CIT: variants seen among roughly 807,000 people sequenced by gnomAD.
The protein encoded by CIT is citron Rho-interacting kinase.
Under a neutral mutation model 272.7 loss-of-function variants are expected in CIT, and 79 were observed. The ratio of observed to expected loss-of-function variants is 0.29; its 90% confidence interval spans 0.24 to 0.35. The LOEUF (loss-of-function observed/expected upper bound fraction) is 0.35. CIT is among the 10% of genes least tolerant of loss of function. The probability of loss-of-function intolerance (pLI) is 1.00; values close to 1 mark genes in which losing one functional copy is unlikely to be tolerated. For missense variants in CIT, 1,909 were observed against 2,618.3 expected (o/e 0.73, Z 5.91); for synonymous variants, 948 against 995.6 (o/e 0.95, Z 0.90).
At chr12:119,703,563 T>C (rs929335108) in intron 41 of CIT, among the ~76,000 whole-genome samples, 2 of 151,716 alleles carry the variant, frequency 1.3e-5, no homozygotes, top group Non-Finnish European at 2.9e-5. Context: ...GTAGCTGAGA[T>C]AACAAGCACC....
intron 7 of CIT, among the ~76,000 whole-genome samples, chr12:119,826,219 C>A (rs1214345746): frequency 6.6e-6 from 1 of 152,140 alleles, no homozygotes; most frequent in Non-Finnish European, 1.5e-5. Context: ...CCACCCAGGG[C>A]CCAAGGTTAA....
intron 10 of CIT, among the ~76,000 whole-genome samples, chr12:119,787,507 G>A (rs1191439470): frequency 4.6e-5 from 7 of 151,352 alleles, no homozygotes; most frequent in Non-Finnish European, 7.4e-5. Context: ...CGAGGCAAGC[G>A]GATCACGAGG....
chr12:119,713,476 C>T lies in CIT; in HGVS notation c.4479G>A (p.Lys1493=). ...CCACCCTGACATGGTACCTGGGCACCTTCATCCACCCTTCCAGGTGCAAGC... is the reference window on the plus strand; with the variant it reads ...CCACCCTGACATGGTACCTGGGCACTTTCATCCACCCTTCCAGGTGCAAGC... ...SSSLHLEGWM[K]VPRNNKRGQQ... is the part of the protein sequence containing the mutation. Residue 1493 remains lysine, a synonymous_variant, in exon 34 of 48, where the codon AAG becomes AAA. Transcript: ENST00000392521. The surrounding 1 kb of genome is among the most constrained non-coding windows in gnomAD (Gnocchi z 5.2). 6.2e-7 allele frequency: 1 copy of T among 1,614,098 alleles called. No homozygotes were observed. Among genetic ancestry groups the T allele is most frequent in the Non-Finnish European group, 8.5e-7 (1 of 1,179,966 alleles).
chr12:119,690,074 G>A lies in CIT; in HGVS notation c.6186+77C>T. ...GGAGTTCCTTTTTTAAACAACAGTG[G>A]CCCCGTGGGGGCCTCAGTTCCCCAA... is the stretch of plus-strand genomic sequence containing the variant. On this transcript the variant is annotated intron_variant, in intron 47 of 47. Transcript: ENST00000392521. This position sits in a 1 kb window ranked among gnomAD's most constrained non-coding sequence, Gnocchi z 6.0. The A allele has an allele frequency of 7.5e-7, 1 of 1,324,732 alleles. No homozygotes were observed. Among genetic ancestry groups the A allele is most frequent in the Non-Finnish European group, 9.8e-7 (1 of 1,021,712 alleles). 82.1% of individuals were successfully genotyped at this position (1,324,732 alleles called of 1,614,324 possible). A position where few individuals can be genotyped will look rare whatever the true frequency, so the allele number is the denominator to read the frequency against.
intron 32 of CIT, among the ~76,000 whole-genome samples, chr12:119,717,414 C>CTTTTTTTTTTTTTTTTTTT (rs765763044): frequency 1.0e-4 from 11 of 109,460 alleles, no homozygotes; most frequent in African/African-American, 3.1e-4. Context: ...TTTTTCTTTT[C>CTTTTTTTTTTTTTTTTTTT]TTTTCTTTTT....
chr12:119,736,968 G>A (rs1352480202), intron 24 of CIT, among the ~76,000 whole-genome samples: 1 of 152,118 alleles, frequency 6.6e-6, no homozygotes, highest in South Asian at 2.1e-4. Context: ...TCTGACCTTT[G>A]CTGGGTTGGT....
intron 18 of CIT, 91 bp from the exon 19 acceptor site, chr12:119,767,273 A>C: frequency 3.2e-6 from 3 of 936,186 alleles, no homozygotes; most frequent in Non-Finnish European, 4.9e-6. Context: ...ACTTTGGTAC[A>C]GGTACCACAG....
intron 10 of CIT, among the ~76,000 whole-genome samples, chr12:119,790,472 GTCTA>G (rs1373332645): frequency 6.6e-6 from 1 of 152,130 alleles, no homozygotes; most frequent in Non-Finnish European, 1.5e-5. Flanking sequence ...ATGGGACAGA[GTCTA>G]TCTGTTCATT....
chr12:119,838,518 T>C (rs750811789), intron 5 of CIT, among the ~76,000 whole-genome samples: 5 of 152,118 alleles, frequency 3.3e-5, no homozygotes, highest in African/African-American at 1.2e-4. Context: ...CAGGAATCTA[T>C]AGTAAAAGGA....
rs1956459534 is a variant in CIT, at chr12:119,699,950, A to G, written c.5623+795T>C. On this transcript the variant is annotated intron_variant, in intron 44 of 47. Coordinates refer to ENST00000392521, the MANE Select transcript of CIT (RefSeq NM_001206999.2). ...ATGTGTGTTTAGTCTTTGATCCAAC[A>G]GTTCCACTTTTAGGAGCTTATAATC... 2 of 455,236 alleles carry G rather than the reference A, an allele frequency of 4.4e-6. 1 individual carries two copies. Among genetic ancestry groups the G allele is most frequent in the Admixed American group, 4.7e-5 (2 of 42,546 alleles). The allele number at this position is 455,236 out of a possible 1,614,324, so 28.2% of individuals were successfully genotyped here. A position where few individuals can be genotyped will look rare whatever the true frequency, so the allele number is the denominator to read the frequency against.
intron 9 of CIT, among the ~76,000 whole-genome samples, chr12:119,820,908 T>C (rs1336320975): frequency 6.6e-6 from 1 of 152,180 alleles, no homozygotes; most frequent in Non-Finnish European, 1.5e-5. Flanking sequence ...AGGTCGAGGC[T>C]GCAGTGAGCC....
intron 20 of CIT, among the ~76,000 whole-genome samples, chr12:119,760,195 AAAAAAAAAAG>A (rs1566001362): frequency 6.6e-6 from 1 of 151,812 alleles, no homozygotes; most frequent in Non-Finnish European, 1.5e-5. Context: ...TCAAAAAAAA[AAAAAAAAAAG>A]AGAGAGATTC....
rs760385025 is a variant in CIT at position 119,718,712 on chromosome 12, G to A, written c.3990C>T (p.Ser1330=). ...GTGAGCCCCTACCTTCCTCCCGGGC[G>A]GACCGGAGCTCGATGCGGGTCTTCT... ...ALQKTRIELR[S]AREEAAHRKA... is the part of the protein sequence containing the mutation. Residue 1330 remains serine, a synonymous_variant, in exon 31 of 48, where the codon TCC becomes TCT. Coordinates refer to ENST00000392521, the MANE Select transcript of CIT (RefSeq NM_001206999.2). This position sits in a 1 kb window ranked among gnomAD's most constrained non-coding sequence, Gnocchi z 4.8. 18 of 1,613,282 alleles carry A rather than the reference G, an allele frequency of 1.1e-5. No individual in the cohort carries two copies. The highest frequency in any genetic ancestry group is 9.3e-5 in the African/African-American group (7 of 74,884).
intron 9 of CIT, among the ~76,000 whole-genome samples, chr12:119,813,998 C>T (rs1207706369): frequency 6.6e-6 from 1 of 152,028 alleles, no homozygotes; most frequent in African/African-American, 2.4e-5. Flanking sequence ...ACTGAGAGTC[C>T]CAAATCATTC....
chr12:119,803,470 CTTACTCCTTCGGCGCTGGCGA>C, intron 9 of CIT, 81 bp from the exon 10 acceptor site: 1 of 1,065,802 alleles, frequency 9.4e-7, no homozygotes, highest in Non-Finnish European at 1.3e-6. Flanking sequence ...AGAAGATCGT[CTTACTCCTTCGGCGCTGGCGA>C]TGGCACTGCA....
At chr12:119,738,478 C>A (rs1958894360) in intron 24 of CIT, among the ~76,000 whole-genome samples, 1 of 151,872 alleles carries the variant, frequency 6.6e-6, no homozygotes, top group Admixed American at 6.6e-5. Context: ...ATCTTAGCAG[C>A]AAAAAAAGAT....
chr12:119,849,695 T>C (rs1317428558), intron 5 of CIT, among the ~76,000 whole-genome samples: 9 of 134,180 alleles, frequency 6.7e-5, no homozygotes, highest in African/African-American at 1.0e-4. Flanking sequence ...TTTTCTTTTT[T>C]TTTTTTTTGA....
At chr12:119,859,772 C>T (rs1367106052) in intron 3 of CIT, among the ~76,000 whole-genome samples, 2 of 151,946 alleles carry the variant, frequency 1.3e-5, no homozygotes, top group Non-Finnish European at 2.9e-5. Flanking sequence ...AGAGATCGTA[C>T]CACTGCACTT....
At chr12:119,699,389 C>A (rs1956421788) in intron 44 of CIT, among the ~76,000 whole-genome samples, 1 of 151,944 alleles carries the variant, frequency 6.6e-6, no homozygotes, top group South Asian at 2.1e-4. Context: ...GCACACAGGA[C>A]TGGAAATATT....
Sources: gnomAD v4.1 joint callset for allele counts (sites outside exome capture counted in the v4.1 genomes callset) on GRCh38, gnomAD v4.1.1 for gene constraint, Gnocchi (gnomAD v3.1) non-coding constraint, MANE v1.5 for transcripts, NCBI Gene and HGNC (gene_info 2026-07-23, HGNC 2026-07-21) for gene names.